The following RBFOX1 variants were observed in gnomAD, a reference collection of about 807,000 sequenced individuals.
RBFOX1 encodes RNA binding protein fox-1 homolog 1.
In RBFOX1, 8 loss-of-function variants were observed where a neutral mutation model predicts 57.7. The observed-to-expected ratio is 0.14, with a 90% CI of 0.08 to 0.25. The LOEUF (loss-of-function observed/expected upper bound fraction) is 0.25, where lower values mean the gene tolerates loss of function less well. RBFOX1 is among the 10% of genes least tolerant of loss of function. The pLI is 1.00. For synonymous variants in RBFOX1, 326 were observed against 222.4 expected (o/e 1.47, Z -4.15); for missense variants, 611 against 548.5 (o/e 1.11, Z -1.14).
chr16:6,619,063 A>G (rs1246962237), intron 2 of RBFOX1, among the ~76,000 whole-genome samples: 7 of 152,164 alleles, frequency 4.6e-5, no homozygotes, highest in Admixed American at 4.6e-4. Flanking sequence ...TGGTGATGCC[A>G]CGCTGCAGAG....
At chr16:7,125,333 T>C (rs531093678) in intron 4 of RBFOX1, among the ~76,000 whole-genome samples, 1 of 152,230 alleles carries the variant, frequency 6.6e-6, no homozygotes, top group East Asian at 1.9e-4. Flanking sequence ...GGGTATAAAA[T>C]CAGATACTAC....
chr16:6,615,349 C>T (rs965678577), intron 2 of RBFOX1, among the ~76,000 whole-genome samples: 1 of 152,130 alleles, frequency 6.6e-6, no homozygotes, highest in African/African-American at 2.4e-5. Context: ...GCGGGTGGAT[C>T]ACCTGAGGTC....
rs1567352762 is a variant in RBFOX1, at chr16:6,058,832, T to TC, written c.-127+38840_-127+38841insC. Among the ~76,000 whole-genome samples the TC allele has an allele frequency of 2.1e-3, 168 of 81,786 alleles. 1 individual carries two copies. In the East Asian group the frequency reaches 0.022, roughly 11 times the overall value. 53.7% of individuals were successfully genotyped at this position (81,786 alleles called of 152,430 possible). ...TCCACCCACTTACCCACTCATTTAT[T>TC]TATCCATCCATCCATCCATCCATCC... is the stretch of plus-strand genomic sequence containing the variant. On this transcript the variant is annotated intron_variant, in intron 1 of 15. Coordinates refer to ENST00000550418, the MANE Select transcript of RBFOX1 (RefSeq NM_018723.4).
At chr16:6,892,516 A>G (rs537075671) in intron 3 of RBFOX1, among the ~76,000 whole-genome samples, 1 of 152,140 alleles carries the variant, frequency 6.6e-6, no homozygotes, top group South Asian at 2.1e-4. Context: ...CTAAAAATAC[A>G]AAAATTAGCT....
At chr16:6,182,732 G>A (rs777936526) in intron 1 of RBFOX1, among the ~76,000 whole-genome samples, 4 of 152,108 alleles carry the variant, frequency 2.6e-5, no homozygotes, top group East Asian at 1.9e-4. Context: ...ATTTAGGAAC[G>A]CTGTAGTTAA....
intron 2 of RBFOX1, among the ~76,000 whole-genome samples, chr16:6,466,573 A>G (rs1424285461): frequency 6.6e-6 from 1 of 152,124 alleles, no homozygotes; most frequent in Non-Finnish European, 1.5e-5. Flanking sequence ...ACCATTGGAG[A>G]CACCCTCTCT....
chr16:6,402,487 A>G (rs2093114788), intron 2 of RBFOX1, among the ~76,000 whole-genome samples: 1 of 152,180 alleles, frequency 6.6e-6, no homozygotes. Context: ...TACATACTGA[A>G]GGGTGGTTGA....
chr16:7,554,041 C>G (rs1198365599), intron 5 of RBFOX1, among the ~76,000 whole-genome samples: 2 of 152,016 alleles, frequency 1.3e-5, no homozygotes, highest in Non-Finnish European at 2.9e-5. Context: ...CCCAGGAGGT[C>G]GAGGCTGCAG....
chr16:5,944,994 A>G (rs2059370727), intron 4 of RBFOX1, among the ~76,000 whole-genome samples: 1 of 136,612 alleles, frequency 7.3e-6, no homozygotes, highest in Admixed American at 7.6e-5. Context: ...AAAAAGAGAG[A>G]GAGAGAGAGA....
intron 3 of RBFOX1, among the ~76,000 whole-genome samples, chr16:6,657,614 C>T (rs978439131): frequency 6.6e-5 from 10 of 152,060 alleles, no homozygotes; most frequent in South Asian, 2.1e-4. Context: ...TGCTCACGCA[C>T]GTGTGTGTGT....
intron 2 of RBFOX1, among the ~76,000 whole-genome samples, chr16:6,535,630 C>T (rs2096724630): frequency 6.6e-6 from 1 of 152,130 alleles, no homozygotes; most frequent in South Asian, 2.1e-4. Flanking sequence ...TGAATGATCC[C>T]ATCCATCAAC....
At chr16:7,019,380 A>G (rs2094090601) in intron 3 of RBFOX1, among the ~76,000 whole-genome samples, 1 of 152,070 alleles carries the variant, frequency 6.6e-6, no homozygotes, top group South Asian at 2.1e-4. Flanking sequence ...CATGGACTTC[A>G]TGAAAGTATG....
At chr16:7,436,955 C>G (rs1239580728) in intron 4 of RBFOX1, among the ~76,000 whole-genome samples, 4 of 152,060 alleles carry the variant, frequency 2.6e-5, no homozygotes, top group Non-Finnish European at 4.4e-5. Flanking sequence ...GTGATACGCG[C>G]CTGTAATCCG....
intron 4 of RBFOX1, among the ~76,000 whole-genome samples, chr16:7,452,502 C>T (rs778006423): frequency 1.1e-4 from 17 of 152,164 alleles, no homozygotes; most frequent in South Asian, 4.1e-4. Context: ...CCTTTTCTCT[C>T]TTATCAGTAA....
intron 4 of RBFOX1, among the ~76,000 whole-genome samples, chr16:7,071,646 T>TATAC (rs202241207): frequency 0.019 from 2,891 of 151,476 alleles, 101 homozygotes; most frequent in African/African-American, 0.065. Flanking sequence ...CTGGGTAATT[T>TATAC]ATACATACAT....
rs192131335 is a variant in RBFOX1, at chr16:6,535,079, C to A, written c.-63-119524C>A. Among the ~76,000 whole-genome samples, 229 of 152,248 alleles carry A rather than the reference C, an allele frequency of 1.5e-3. 1 individual carries two copies. Among genetic ancestry groups the A allele is most frequent in the African/African-American group, 4.8e-3 (201 of 41,540 alleles). On this transcript the variant is annotated intron_variant, in intron 2 of 15. Coordinates refer to ENST00000550418, the MANE Select transcript of RBFOX1 (RefSeq NM_018723.4). The stretch of plus-strand genomic sequence containing the variant: ...CCTGCAGCAAAAGCCAGGTTGGGAC[C>A]ATGGTTGGGATGAGATTCCATGGGA...
chr16:7,311,136 C>T (rs1197308878), intron 4 of RBFOX1, among the ~76,000 whole-genome samples: 1 of 152,164 alleles, frequency 6.6e-6, no homozygotes, highest in Non-Finnish European at 1.5e-5. Context: ...AATAGCCATA[C>T]ATTCAACGTC....
intron 15 of RBFOX1, chr16:7,710,331 A>T: frequency 8.1e-7 from 1 of 1,237,496 alleles, no homozygotes; most frequent in Non-Finnish European, 1.0e-6. Context: ...TTCTGTTATA[A>T]AAAAATGAGA....
chr16:7,208,044 C>G (rs963461469), intron 4 of RBFOX1, among the ~76,000 whole-genome samples: 3 of 152,168 alleles, frequency 2.0e-5, no homozygotes, highest in Admixed American at 6.5e-5. Flanking sequence ...CTCTGGAAAA[C>G]TAGGACTTTA....
Sources: gnomAD v4.1 joint callset for allele counts (sites outside exome capture counted in the v4.1 genomes callset) on GRCh38, gnomAD v4.1.1 for gene constraint, MANE v1.5 for transcripts, NCBI Gene and HGNC (gene_info 2026-07-23, HGNC 2026-07-21) for gene names.